Variants in LRRC34 observed in about 807,000 individuals in gnomAD.
LRRC34 encodes leucine-rich repeat-containing protein 34.
In LRRC34, 44 loss-of-function variants were observed where a neutral mutation model predicts 48.5. The observed-to-expected ratio is 0.91, with a 90% CI of 0.71 to 1.17. The LOEUF (loss-of-function observed/expected upper bound fraction) is 1.17, where lower values mean the gene tolerates loss of function less well. Among genes scored for constraint, LRRC34 ranks in the 50% most tolerant of loss-of-function variants. The pLI, the probability that LRRC34 is intolerant of heterozygous loss-of-function variation, is 0.00. For synonymous variants in LRRC34, 192 were observed against 197.6 expected (o/e 0.97, Z 0.24); for missense variants, 502 against 563.0 (o/e 0.89, Z 1.10).
chr3:169,806,740 C>T, intron 5 of LRRC34, 108 bp downstream of exon 5: 1 of 609,450 alleles, frequency 1.6e-6, no homozygotes, highest in Non-Finnish European at 2.9e-6. Context: ...ATATACATTC[C>T]TACAATATTA....
At chr3:169,809,484 GA>G (rs1779489974) in intron 1 of LRRC34, among the ~76,000 whole-genome samples, 2 of 151,966 alleles carry the variant, frequency 1.3e-5, no homozygotes, top group Non-Finnish European at 2.9e-5. Context: ...AAGTTCTTAA[GA>G]AGACAGACAC....
At chr3:169,803,223 A>G (rs1560599775) in intron 6 of LRRC34, among the ~76,000 whole-genome samples, 1 of 152,142 alleles carries the variant, frequency 6.6e-6, no homozygotes, top group Non-Finnish European at 1.5e-5. Context: ...TAATTTTTAG[A>G]GACAGGGTCT....
At chr3:169,800,245 A>G (rs1021973847) in intron 7 of LRRC34, among the ~76,000 whole-genome samples, 1 of 152,120 alleles carries the variant, frequency 6.6e-6, no homozygotes, top group African/African-American at 2.4e-5. Context: ...CTTTTCATAC[A>G]CATTTTGCTT....
At chr3:169,804,342 C>T (rs1315803239) in intron 5 of LRRC34, among the ~76,000 whole-genome samples, 161 bp from the exon 6 acceptor site, 1 of 152,186 alleles carries the variant, frequency 6.6e-6, no homozygotes, top group African/African-American at 2.4e-5. Flanking sequence ...GTCGCCCAGG[C>T]TGGAGTGCAG....
In LRRC34 at chr3:169,812,607, G is replaced by A; in HGVS notation, c.-59C>T. 2 of 1,413,280 alleles carry A rather than the reference G, an allele frequency of 1.4e-6. No individual in the cohort carries two copies. Among genetic ancestry groups the A allele is most frequent in the Non-Finnish European group, 1.8e-6 (2 of 1,090,848 alleles). The allele number at this position is 1,413,280 out of a possible 1,614,324, so 87.5% of individuals were successfully genotyped here. A position where few individuals can be genotyped will look rare whatever the true frequency, so the allele number is the denominator to read the frequency against. ...GCTGTGAGGCGGCTACACGAGCCTCGGCGCCAGCCTGCTTCGAGTCCCGCT... is the reference window on the plus strand; with the variant it reads ...GCTGTGAGGCGGCTACACGAGCCTCAGCGCCAGCCTGCTTCGAGTCCCGCT... On this transcript the variant is annotated 5_prime_UTR_variant, in exon 1 of 11. Coordinates refer to ENST00000446859, the MANE Select transcript of LRRC34 (RefSeq NM_001172779.2). This position sits in a 1 kb window ranked among gnomAD's most constrained non-coding sequence, Gnocchi z 4.3.
At chr3:169,806,534 T>A (rs143718194) in intron 5 of LRRC34, among the ~76,000 whole-genome samples, 1 of 152,096 alleles carries the variant, frequency 6.6e-6, no homozygotes, top group Non-Finnish European at 1.5e-5. Flanking sequence ...GCTTTTCTTT[T>A]TGGGGTGATA....
intron 4 of LRRC34, 56 bp downstream of exon 4, chr3:169,807,370 A>T: frequency 1.4e-6 from 2 of 1,476,028 alleles, no homozygotes; most frequent in Non-Finnish European, 1.9e-6. Flanking sequence ...GTGTGTCATT[A>T]GACTAATTGG....
intron 6 of LRRC34, among the ~76,000 whole-genome samples, chr3:169,802,538 T>A (rs528990284): frequency 6.6e-6 from 1 of 152,220 alleles, no homozygotes; most frequent in South Asian, 2.1e-4. Context: ...AACTAAAATA[T>A]AAGTTTCATA....
In LRRC34 at chr3:169,796,918, T is replaced by A; in HGVS notation, c.754-19A>T. On this transcript the variant is annotated intron_variant, in intron 7 of 10. Coordinates refer to ENST00000446859, the MANE Select transcript of LRRC34 (RefSeq NM_001172779.2). ...ACTCTTCCTAAAAGTGGATAAAATCTTATTTCTAAAATATAATTTTGAAGT... is the reference window on the plus strand; with the variant it reads ...ACTCTTCCTAAAAGTGGATAAAATCATATTTCTAAAATATAATTTTGAAGT... The A allele has an allele frequency of 1.3e-6, 2 of 1,496,012 alleles. No individual in the cohort carries two copies. The highest frequency in any genetic ancestry group is 1.8e-6 in the Non-Finnish European group (2 of 1,119,406). 92.7% of individuals were successfully genotyped at this position (1,496,012 alleles called of 1,614,324 possible).
chr3:169,809,199 CT>C (rs35059929), intron 1 of LRRC34, among the ~76,000 whole-genome samples: 13,589 of 113,326 alleles, frequency 0.12, 1,669 homozygotes, highest in African/African-American at 0.35. Flanking sequence ...CTCAAGGTTT[CT>C]TTTTTTTTTT....
intron 7 of LRRC34, among the ~76,000 whole-genome samples, chr3:169,798,784 A>G (rs1345362940): frequency 6.6e-6 from 1 of 152,052 alleles, no homozygotes; most frequent in East Asian, 1.9e-4. Context: ...CATGTCCTCA[A>G]TCTGAGAACC....
At position 169,796,868 on chromosome 3, in the gene LRRC34, A is replaced by C; in HGVS notation, c.785T>G (p.Leu262Trp). Residue 262 changes from leucine to tryptophan, a missense_variant, in exon 8 of 11, where the codon TTG becomes TGG. Physicochemically the swap from Leu to Trp is moderately conservative, Grantham distance 61. Coordinates refer to ENST00000446859, the MANE Select transcript of LRRC34 (RefSeq NM_001172779.2). ...EESTVHVGRM[L>W]KENHCLVALH... is the part of the protein sequence containing the mutation. The stretch of plus-strand genomic sequence containing the variant: ...TGCAACAAGACAGTGATTTTCTTTC[A>C]ACATGCGGCCTACATGGACTGTAGA... 2 of 1,607,498 alleles carry C rather than the reference A, an allele frequency of 1.2e-6. No homozygotes were observed. The highest frequency in any genetic ancestry group is 1.7e-6 in the Non-Finnish European group (2 of 1,177,056).
Position 169,795,585 on chromosome 3 carries a change from T to G in LRRC34, c.1091A>C (p.Glu364Ala), listed in dbSNP as rs1778957408. The G allele has an allele frequency of 6.2e-7, 1 of 1,612,196 alleles. No individual in the cohort carries two copies. The highest frequency in any genetic ancestry group is 8.5e-7 in the Non-Finnish European group (1 of 1,178,876). Residue 364 changes from glutamate to alanine, a missense_variant, in exon 10 of 11, where the codon GAG becomes GCG. Coordinates refer to ENST00000446859, the MANE Select transcript of LRRC34 (RefSeq NM_001172779.2). Reference sequence around the variant, plus strand: ...TGAAAGTGCAACAAGTCCTTCTCCCTCTATGTTGTTGCTGACTACTGACAA... The same window carrying G: ...TGAAAGTGCAACAAGTCCTTCTCCCGCTATGTTGTTGCTGACTACTGACAA... ...KALSVVSNNI[E>A]GEGLVALSQS...
chr3:169,808,315 GAA>G (rs796111859), intron 2 of LRRC34, among the ~76,000 whole-genome samples: 408 of 52,890 alleles, frequency 7.7e-3, no homozygotes, highest in South Asian at 0.058. Flanking sequence ...CACCATCTCA[GAA>G]AAAAAAAAAA....
chr3:169,804,937 T>A (rs1396378380), intron 5 of LRRC34, among the ~76,000 whole-genome samples: 1 of 152,224 alleles, frequency 6.6e-6, no homozygotes, highest in Non-Finnish European at 1.5e-5. Flanking sequence ...TCCTATACCA[T>A]TAACCAGTCA....
chr3:169,803,375 C>G (rs537739011), intron 6 of LRRC34, among the ~76,000 whole-genome samples: 67 of 152,300 alleles, frequency 4.4e-4, no homozygotes, highest in Non-Finnish European at 9.3e-4. Context: ...TCATGTCGCC[C>G]AGCTTCAGAG....
chr3:169,795,267 G>A (rs997082668), intron 10 of LRRC34: 1 of 292,712 alleles, frequency 3.4e-6, no homozygotes, highest in Non-Finnish European at 6.2e-6. Flanking sequence ...AATTAGAACT[G>A]TGTCATTCAG....
chr3:169,800,779 G>A, intron 6 of LRRC34, 25 bp from the exon 7 acceptor site: 1 of 1,366,216 alleles, frequency 7.3e-7, no homozygotes, highest in Non-Finnish European at 1.0e-6. Context: ...ATTCATTAAG[G>A]AAACAGACAA....
Position 169,804,139 on chromosome 3 carries a change from T to C in LRRC34, c.571A>G (p.Ile191Val). The C allele has an allele frequency of 6.2e-7, 1 of 1,606,086 alleles. No homozygotes were observed. Among genetic ancestry groups the C allele is most frequent in the South Asian group, 1.1e-5 (1 of 89,212 alleles). Residue 191 changes from isoleucine (I) to valine (V), a missense_variant, in exon 6 of 11, where the codon ATT becomes GTT. Ile to Val is a conservative substitution (Grantham distance 29, BLOSUM62 3). Transcript: ENST00000446859. ...AAAAACATTCCACCTTTATTTTCAATTTTGTTTCCAGTCATTCTTAGGTAT... is the reference window on the plus strand; with the variant it reads ...AAAAACATTCCACCTTTATTTTCAACTTTGTTTCCAGTCATTCTTAGGTAT... ...LKYLRMTGNK[I>V]ENKGGMFFAA...
Sources: gnomAD v4.1 joint callset for allele counts (sites outside exome capture counted in the v4.1 genomes callset) on GRCh38, gnomAD v4.1.1 for gene constraint, Gnocchi (gnomAD v3.1) non-coding constraint, MANE v1.5 for transcripts, NCBI Gene and HGNC (gene_info 2026-07-23, HGNC 2026-07-21) for gene names.